Variants in IP6K3 observed in about 807,000 individuals in gnomAD.
IP6K3 encodes the protein ATP:1D-myo-inositol-hexakisphosphate phosphotransferase.
Under a neutral mutation model 28.8 loss-of-function variants are expected in IP6K3, and 20 were observed. The observed-to-expected ratio is 0.70, with a 90% confidence interval of 0.49 to 1.01. The LOEUF (loss-of-function observed/expected upper bound fraction) is 1.01. Among genes scored for constraint, IP6K3 ranks in the 50% least tolerant of loss-of-function variants. The pLI, the probability that IP6K3 is intolerant of heterozygous loss-of-function variation, is 0.00. For missense variants in IP6K3, 480 were observed against 537.1 expected, an observed-to-expected ratio of 0.89 and a Z score of 1.05; for synonymous variants, 213 against 221.3, an observed-to-expected ratio of 0.96 and a Z score of 0.33.
At chr6:33,739,419 C>T (rs760871331) in intron 1 of IP6K3, among the ~76,000 whole-genome samples, 2 of 151,872 alleles carry the variant, frequency 1.3e-5, no homozygotes, top group Non-Finnish European at 2.9e-5. Flanking sequence ...TGGGAAGGGG[C>T]AGAAGGAGGA....
At chr6:33,724,871 T>G (rs764490540) in intron 5 of IP6K3, among the ~76,000 whole-genome samples, 13 of 152,324 alleles carry the variant, frequency 8.5e-5, no homozygotes, top group Middle Eastern at 3.4e-3. Context: ...GTGGAAAGTT[T>G]CGGCTGCCAA....
At chr6:33,726,080 G>A (rs901654601) in intron 4 of IP6K3, among the ~76,000 whole-genome samples, 2 of 152,196 alleles carry the variant, frequency 1.3e-5, no homozygotes, top group African/African-American at 2.4e-5. Flanking sequence ...AGCTTCTTAG[G>A]GATTAGGATT....
intron 4 of IP6K3, 111 bp downstream of exon 4, chr6:33,726,620 A>C (rs1190925292): frequency 1.4e-5 from 15 of 1,089,646 alleles, no homozygotes; most frequent in African/African-American, 3.2e-5. Context: ...TCTCCCTGCT[A>C]CCCTCCATTG....
chr6:33,725,228 CAAAA>C (rs10570024), intron 5 of IP6K3, among the ~76,000 whole-genome samples: 4 of 116,738 alleles, frequency 3.4e-5, no homozygotes, highest in Non-Finnish European at 5.2e-5. Context: ...GACTCCGTCT[CAAAA>C]AAAAAAAAAA....
At chr6:33,743,869 T>A (rs934178275) in intron 1 of IP6K3, among the ~76,000 whole-genome samples, 1 of 152,148 alleles carries the variant, frequency 6.6e-6, no homozygotes, top group Non-Finnish European at 1.5e-5. Context: ...TTTTTTCTTT[T>A]TTTTTTCTTA....
the IP6K3 span, among the ~76,000 whole-genome samples, chr6:33,755,264 C>T: frequency 6.6e-6 from 1 of 152,278 alleles, no homozygotes; most frequent in African/African-American, 2.4e-5. Context: ...ACTTGCAGGC[C>T]TGGGCCCGCT....
rs1464478329 is a variant in IP6K3 at position 33,742,308 on chromosome 6, G to T, written c.-180+4450C>A. On this transcript the variant is annotated intron_variant, in intron 1 of 5. Coordinates refer to ENST00000293756, the MANE Select transcript of IP6K3 (RefSeq NM_054111.5). The surrounding 1 kb of genome is among the most constrained non-coding windows in gnomAD (Gnocchi z 4.5). ...TGAGTTGCTCTGGCTGTCTCTGGGAGTCTCGGAGACCCAGGACCAAGACCC... is the reference window on the plus strand; with the variant it reads ...TGAGTTGCTCTGGCTGTCTCTGGGATTCTCGGAGACCCAGGACCAAGACCC... Among the ~76,000 whole-genome samples the T allele has an allele frequency of 6.6e-6, 1 of 152,192 alleles. No homozygotes were observed. Among genetic ancestry groups the T allele is most frequent in the Non-Finnish European group, 1.5e-5 (1 of 68,040 alleles).
chr6:33,745,447 G>A (rs1766872552), intron 1 of IP6K3, among the ~76,000 whole-genome samples: 2 of 152,106 alleles, frequency 1.3e-5, no homozygotes, highest in African/African-American at 4.8e-5. Flanking sequence ...CCTGCCTCTC[G>A]GGGCCTCAGC....
Position 33,744,382 on chromosome 6 carries a change from G to A in IP6K3, c.-180+2376C>T, listed in dbSNP as rs374894710. On this transcript the variant is annotated intron_variant, in intron 1 of 5. Coordinates refer to ENST00000293756, the MANE Select transcript of IP6K3 (RefSeq NM_054111.5). The surrounding 1 kb of genome is among the most constrained non-coding windows in gnomAD (Gnocchi z 4.4). Reference sequence around the variant, plus strand: ...GACCTATGAGCCACAGACGTAAGGTGTTGCCAGCGGTTAGCATGGCAGTTT... The same window carrying A: ...GACCTATGAGCCACAGACGTAAGGTATTGCCAGCGGTTAGCATGGCAGTTT... Among the ~76,000 whole-genome samples, 49 of 152,340 alleles carry A rather than the reference G, an allele frequency of 3.2e-4. No homozygotes were observed. The highest frequency in any genetic ancestry group is 1.1e-3 in the African/African-American group (47 of 41,570).
intron 5 of IP6K3, 29 bp downstream of exon 5, chr6:33,725,412 C>T (rs754230958): frequency 1.3e-6 from 2 of 1,589,660 alleles, no homozygotes; most frequent in Non-Finnish European, 8.5e-7. Flanking sequence ...CGGGATGTCC[C>T]CCCCTGTGGT....
intron 3 of IP6K3, 97 bp downstream of exon 3, chr6:33,727,990 A>G: frequency 6.6e-7 from 1 of 1,506,530 alleles, no homozygotes; most frequent in South Asian, 1.3e-5. Flanking sequence ...TCTCAGCACC[A>G]GCCTTAATAG....
rs1182883682 is a variant in IP6K3, at chr6:33,725,592, A to G, written c.614T>C (p.Val205Ala). 6.2e-7 allele frequency: 1 copy of G among 1,613,936 alleles called. No individual in the cohort carries two copies. Among genetic ancestry groups the G allele is most frequent in the African/African-American group, 1.3e-5 (1 of 74,920 alleles). The change falls in exon 5 of 6, where the codon GTG (valine) becomes GCG (alanine). Residue 205 changes from valine (V) to alanine (A), a missense_variant. Transcript: ENST00000293756. The stretch of plus-strand genomic sequence containing the variant: ...GACACAGGGATGCGTGTACTGTGAC[A>G]CTACATTTTCCAGCAACAAGAACCC... ...RHRFLLLENV[V>A]SQYTHPCVLD...
Position 33,745,426 on chromosome 6 carries a change from G to A in IP6K3, c.-180+1332C>T, listed in dbSNP as rs182648179. The stretch of plus-strand genomic sequence containing the variant: ...GGACAGGAGACCTGGTTCTGCCTCA[G>A]GCTCCCTGAGCCTGCCTCTCGGGGC... On this transcript the variant is annotated intron_variant, in intron 1 of 5. Transcript: ENST00000293756. Among the ~76,000 whole-genome samples the A allele has an allele frequency of 2.0e-5, 3 of 152,290 alleles. No individual in the cohort carries two copies. The East Asian group carries it at 5.8e-4, about 29-fold the overall frequency.
At chr6:33,758,958 A>C in the IP6K3 span, among the ~76,000 whole-genome samples, 27 of 152,244 alleles carry the variant, frequency 1.8e-4, 1 homozygote, top group Admixed American at 5.9e-4. Context: ...CAGCTAGAAT[A>C]ATATTTACGT....
Position 33,723,061 on chromosome 6 carries a change from G to T in IP6K3, c.892C>A (p.Leu298Ile). The change falls in exon 6 of 6, where the codon CTC (leucine) becomes ATC (isoleucine). Residue 298 changes from leucine to isoleucine, a missense_variant. Transcript: ENST00000293756. ...LHNGSHLRRELLEPILHQLRA... is the reference protein window; with the variant it reads ...LHNGSHLRREILEPILHQLRA... ...AGCTGGTGCAGGATGGGCTCCAGGA[G>T]CTCCCTCCGGAGGTGGCTTCCATTA... The T allele has an allele frequency of 6.2e-7, 1 of 1,614,150 alleles. No individual in the cohort carries two copies. The highest frequency in any genetic ancestry group is 8.5e-7 in the Non-Finnish European group (1 of 1,179,988).
chr6:33,753,410 T>C, the IP6K3 span, among the ~76,000 whole-genome samples: 4 of 152,158 alleles, frequency 2.6e-5, no homozygotes. Flanking sequence ...ATTAATCTAC[T>C]TGCCATGGGG....
Position 33,724,968 on chromosome 6 carries a change from G to T in IP6K3, c.765+473C>A, listed in dbSNP as rs562822687. Among the ~76,000 whole-genome samples, 30 of 152,260 alleles carry T rather than the reference G, an allele frequency of 2.0e-4. No individual in the cohort carries two copies. The East Asian group carries it at 5.8e-3, about 29-fold the overall frequency. On this transcript the variant is annotated intron_variant, in intron 5 of 5. Coordinates refer to ENST00000293756, the MANE Select transcript of IP6K3 (RefSeq NM_054111.5). ...TGGAAAGATCCAGTGTGGGCCGGGC[G>T]CAGTGGCTCACACCTGTAGTCCCAG... is the stretch of plus-strand genomic sequence containing the variant.
At chr6:33,735,145 C>T (rs1290599005) in intron 2 of IP6K3, 133 bp downstream of exon 2, 12 of 693,868 alleles carry the variant, frequency 1.7e-5, no homozygotes, top group East Asian at 5.5e-5. Flanking sequence ...AGGCCAGCCC[C>T]GCTGGGAGAG....
At chr6:33,733,884 C>A (rs563509977) in intron 2 of IP6K3, among the ~76,000 whole-genome samples, 2 of 152,344 alleles carry the variant, frequency 1.3e-5, no homozygotes, top group South Asian at 2.1e-4. Flanking sequence ...GTCCCCCTAC[C>A]GGCATTAGGT....
Sources: allele counts gnomAD v4.1 joint callset (sites outside exome capture counted in the v4.1 genomes callset), GRCh38; gene constraint gnomAD v4.1.1; non-coding constraint Gnocchi (gnomAD v3.1); transcripts MANE v1.5; gene names NCBI Gene and HGNC (gene_info 2026-07-23, HGNC 2026-07-21).